RIC3: variants seen among roughly 807,000 people sequenced by gnomAD.
RIC3 encodes the protein RIC3 acetylcholine receptor chaperone.
RIC3 carries 28 observed loss-of-function variants against 27.3 expected under a neutral mutation model. The observed-to-expected ratio is 1.02, with a 90% CI of 0.76 to 1.41. The LOEUF is 1.41. Among genes scored for constraint, RIC3 ranks in the 40% most tolerant of loss-of-function variants. The pLI is 0.00. For synonymous variants in RIC3, 184 were observed against 160.4 expected, an observed-to-expected ratio of 1.15 and a Z score of -1.11; for missense variants, 501 against 444.7, an observed-to-expected ratio of 1.13 and a Z score of -1.14.
At chr11:8,166,399 G>C (rs944422198) in intron 1 of RIC3, among the ~76,000 whole-genome samples, 1 of 152,152 alleles carries the variant, frequency 6.6e-6, no homozygotes, top group Admixed American at 6.5e-5. Flanking sequence ...AACTGTGCTT[G>C]TTTCATGCAC....
Position 8,144,432 on chromosome 11 carries a change from C to G in RIC3, c.125-4239G>C, listed in dbSNP as rs1228213969. Reference sequence around the variant, plus strand: ...CAGCCAAAAAACACATGAAAAAATGCTCATCATCACTGGCCATCAGAGAAA... The same window carrying G: ...CAGCCAAAAAACACATGAAAAAATGGTCATCATCACTGGCCATCAGAGAAA... On this transcript the variant is annotated intron_variant, in intron 1 of 5. Transcript: ENST00000309737. Among the ~76,000 whole-genome samples, 5 of 148,496 alleles carry G rather than the reference C, an allele frequency of 3.4e-5. No homozygotes were observed. The East Asian group carries it at 7.8e-4, about 23-fold the overall frequency.
At position 8,110,659 on chromosome 11, in the gene RIC3, C is replaced by G. The variant is rs376160355; in HGVS notation, c.*39G>C. On this transcript the variant is annotated 3_prime_UTR_variant, in exon 6 of 6. Transcript: ENST00000309737. The stretch of plus-strand genomic sequence containing the variant: ...GGAAATCTGAGGAGAGAGAGGTCAC[C>G]TTGGGACTTGAGTAATGGATACTTC... 6 of 1,580,986 alleles carry G rather than the reference C, an allele frequency of 3.8e-6. No individual in the cohort carries two copies. Among genetic ancestry groups the G allele is most frequent in the Non-Finnish European group, 5.2e-6 (6 of 1,150,762 alleles).
chr11:8,103,232 T>A (rs958863250), downstream of RIC3: 1 of 152,232 alleles, frequency 6.6e-6, no homozygotes, highest in African/African-American at 2.4e-5. Context: ...GATGGCACCA[T>A]CCACCCTGCA....
intron 1 of RIC3, among the ~76,000 whole-genome samples, chr11:8,140,706 G>C (rs1347343391): frequency 5.9e-5 from 9 of 152,144 alleles, no homozygotes; most frequent in Admixed American, 6.5e-5. Context: ...ATCTGGACCT[G>C]TCTGTAAGAG....
chr11:8,101,662 G>C (rs1468678963), downstream of RIC3: 1 of 1,605,982 alleles, frequency 6.2e-7, no homozygotes, highest in Non-Finnish European at 8.5e-7. Flanking sequence ...CTGGAGCGGA[G>C]CTTGCCTGCC....
intron 5 of RIC3, among the ~76,000 whole-genome samples, chr11:8,123,559 G>A (rs1320717960): frequency 6.6e-6 from 1 of 152,126 alleles, no homozygotes; most frequent in African/African-American, 2.4e-5. Context: ...CAGATCTTAC[G>A]TATATTAAAT....
Position 8,112,584 on chromosome 11 carries a change from C to T in RIC3, c.671-1447G>A, listed in dbSNP as rs371025659. 3.3e-5 allele frequency among the ~76,000 whole-genome samples: 5 copies of T among 152,242 alleles called. No individual in the cohort carries two copies. In the East Asian group the frequency reaches 5.8e-4, roughly 18 times the overall value. On this transcript the variant is annotated intron_variant, in intron 5 of 5. Transcript: ENST00000309737. The stretch of plus-strand genomic sequence containing the variant: ...TGTTGGGATTACAGGCATGAGCCAC[C>T]GCGCCCGGCCAACATGTATTTTCTT...
At chr11:8,111,725 C>T (rs143413813) in intron 5 of RIC3, among the ~76,000 whole-genome samples, 186 of 152,364 alleles carry the variant, frequency 1.2e-3, no homozygotes, top group African/African-American at 4.4e-3. Context: ...AGACAGAATT[C>T]CTGTTGTTGG....
At chr11:8,117,445 C>G (rs1278322637) in intron 5 of RIC3, among the ~76,000 whole-genome samples, 1 of 152,124 alleles carries the variant, frequency 6.6e-6, no homozygotes, top group Non-Finnish European at 1.5e-5. Flanking sequence ...CTGAAATAAG[C>G]CAGGCACAGA....
chr11:8,108,391 C>G lies in RIC3; in HGVS notation c.*2307G>C, dbSNP rs1377532250. 1.3e-5 allele frequency: 2 copies of G among 152,214 alleles called. No individual in the cohort carries two copies. Among genetic ancestry groups the G allele is most frequent in the Non-Finnish European group, 2.9e-5 (2 of 68,044 alleles). 9.4% of individuals were successfully genotyped at this position (152,214 alleles called of 1,614,324 possible). On this transcript the variant is annotated 3_prime_UTR_variant, in exon 6 of 6. Transcript: ENST00000309737. ...CAATACTTTAGCAAAAACAATTTATCTTTCCTGTAGTTTTGGGCCCATGTC... is the reference window on the plus strand; with the variant it reads ...CAATACTTTAGCAAAAACAATTTATGTTTCCTGTAGTTTTGGGCCCATGTC...
intron 1 of RIC3, among the ~76,000 whole-genome samples, chr11:8,140,408 G>C (rs1948919552): frequency 6.6e-6 from 1 of 152,034 alleles, no homozygotes; most frequent in African/African-American, 2.4e-5. Context: ...TTCCCTCTGG[G>C]TCCTTAGCTG....
chr11:8,156,504 A>G (rs1590366230), intron 1 of RIC3, among the ~76,000 whole-genome samples: 1 of 152,186 alleles, frequency 6.6e-6, no homozygotes, highest in African/African-American at 2.4e-5. Context: ...ACAAATTCTG[A>G]TTTTCCCTCC....
chr11:8,137,596 C>T (rs766303617), intron 3 of RIC3, 125 bp from the exon 4 acceptor site: 50 of 574,470 alleles, frequency 8.7e-5, no homozygotes, highest in Non-Finnish European at 1.1e-4. Context: ...TGAAGAACAC[C>T]GCAGTTTTAT....
chr11:8,105,955 G>A (rs933485836), downstream of RIC3: 1 of 152,104 alleles, frequency 6.6e-6, no homozygotes, highest in Non-Finnish European at 1.5e-5. Context: ...TTTTCACAAT[G>A]CCTAGACTGT....
rs2141321 is a variant in RIC3, at chr11:8,108,629, T to C, written c.*2069A>G. 60,628 of 151,954 alleles carry C rather than the reference T, an allele frequency of 0.4. 12,572 individuals carry two copies. The highest frequency in any genetic ancestry group is 0.53 in the East Asian group (2,726 of 5,154). The allele number at this position is 151,954 out of a possible 1,614,324, so 9.4% of individuals were successfully genotyped here. On this transcript the variant is annotated 3_prime_UTR_variant, in exon 6 of 6. Coordinates refer to ENST00000309737, the MANE Select transcript of RIC3 (RefSeq NM_001206671.4). ...ACAGCTAGAAAATGCAGGGACAGATTATGGCTCATGTTTCTCTGCCTGCAG... is the reference window on the plus strand; with the variant it reads ...ACAGCTAGAAAATGCAGGGACAGATCATGGCTCATGTTTCTCTGCCTGCAG...
At chr11:8,104,020 T>G (rs1345742703), downstream of RIC3, 7 of 152,178 alleles carry the variant, frequency 4.6e-5, no homozygotes, top group African/African-American at 1.7e-4. Flanking sequence ...TGTCAGGCAT[T>G]GAATGACAAG....
downstream of RIC3, chr11:8,101,447 C>A (rs1944299280): frequency 6.2e-7 from 1 of 1,607,652 alleles, no homozygotes; most frequent in Non-Finnish European, 8.5e-7. Context: ...CCATTCCTGT[C>A]CTGTCCTTTT....
At chr11:8,141,134 A>G (rs895675905) in intron 1 of RIC3, among the ~76,000 whole-genome samples, 2 of 150,740 alleles carry the variant, frequency 1.3e-5, no homozygotes, top group Admixed American at 6.6e-5. Flanking sequence ...TAACGAGCAA[A>G]ATCACCAGCT....
intron 4 of RIC3, among the ~76,000 whole-genome samples, chr11:8,134,575 T>A (rs1318998834): frequency 1.3e-5 from 2 of 152,222 alleles, no homozygotes; most frequent in Non-Finnish European, 2.9e-5. Flanking sequence ...CGTCACACTG[T>A]CTTCCACAAT....
Sources: gnomAD v4.1 joint callset for allele counts (sites outside exome capture counted in the v4.1 genomes callset) on GRCh38, gnomAD v4.1.1 for gene constraint, MANE v1.5 for transcripts, NCBI Gene and HGNC (gene_info 2026-07-23, HGNC 2026-07-21) for gene names.